Variants in GNA14 observed in about 807,000 individuals in gnomAD.
GNA14 encodes the protein G protein subunit alpha 14.
In GNA14, 50 loss-of-function variants were observed where a neutral mutation model predicts 42.0. The observed-to-expected ratio is 1.19, with a 90% confidence interval of 0.95 to 1.51. The LOEUF is 1.51. Among genes scored for constraint, GNA14 ranks in the 40% most tolerant of loss-of-function variants. The pLI, the probability that GNA14 is intolerant of heterozygous loss-of-function variation, is 0.00. For synonymous variants in GNA14, 173 were observed against 163.1 expected (o/e 1.06, Z -0.46); for missense variants, 473 against 446.2 (o/e 1.06, Z -0.54).
intron 2 of GNA14, among the ~76,000 whole-genome samples, chr9:77,437,006 T>C (rs780427430): frequency 2.0e-5 from 3 of 152,154 alleles, no homozygotes; most frequent in Non-Finnish European, 4.4e-5. Context: ...AGGCAACGCT[T>C]GGCCAATCTG....
chr9:77,558,441 G>A (rs1041755421), intron 1 of GNA14, among the ~76,000 whole-genome samples: 1 of 151,988 alleles, frequency 6.6e-6, no homozygotes, highest in Non-Finnish European at 1.5e-5. Context: ...ATACATTTTT[G>A]AAAATCACTC....
At position 77,460,119 on chromosome 9, in the gene GNA14, C is replaced by T. The variant is rs907491662; in HGVS notation, c.310-25597G>A. On this transcript the variant is annotated intron_variant, in intron 2 of 6. Transcript: ENST00000341700. ...TCGTGTCTCCATCAAATTATCTCCT[C>T]CTGGAACCTCGGAATTTAACCTTAC... Among the ~76,000 whole-genome samples, 3 of 152,212 alleles carry T rather than the reference C, an allele frequency of 2.0e-5. No individual in the cohort carries two copies. In the South Asian group the frequency reaches 6.2e-4, roughly 32 times the overall value.
At chr9:77,549,811 C>A (rs1837767594) in intron 1 of GNA14, among the ~76,000 whole-genome samples, 1 of 152,154 alleles carries the variant, frequency 6.6e-6, no homozygotes, top group Non-Finnish European at 1.5e-5. Flanking sequence ...AGGACACAGG[C>A]CCAAGGGACC....
chr9:77,539,717 C>T (rs1470080276), intron 1 of GNA14, among the ~76,000 whole-genome samples: 1 of 152,114 alleles, frequency 6.6e-6, no homozygotes, highest in African/African-American at 2.4e-5. Context: ...TTTTCTATTT[C>T]TTCCTGATTC....
At chr9:77,592,906 G>A (rs115311431) in intron 1 of GNA14, among the ~76,000 whole-genome samples, 15 of 151,914 alleles carry the variant, frequency 9.9e-5, no homozygotes, top group Admixed American at 1.3e-4. Context: ...ACTTTTAACT[G>A]AACAAAAAAA....
In GNA14 at chr9:77,648,020, A is replaced by G; in HGVS notation, c.-227T>C. On this transcript the variant is annotated 5_prime_UTR_variant, in exon 1 of 7. Transcript: ENST00000341700. Reference sequence around the variant, plus strand: ...CCGAGCGCTGGGAACGCTCGAGTGCACCCCGGATCCGGGCTCAGCCCGCCC... The same window carrying G: ...CCGAGCGCTGGGAACGCTCGAGTGCGCCCCGGATCCGGGCTCAGCCCGCCC... 2 of 543,612 alleles carry G rather than the reference A, an allele frequency of 3.7e-6. No homozygotes were observed. The highest frequency in any genetic ancestry group is 6.4e-6 in the Non-Finnish European group (2 of 313,782). The allele number at this position is 543,612 out of a possible 1,614,324, so 33.7% of individuals were successfully genotyped here. A position where few individuals can be genotyped will look rare whatever the true frequency, so the allele number is the denominator to read the frequency against.
chr9:77,513,142 G>A (rs1194302923), intron 2 of GNA14, among the ~76,000 whole-genome samples: 2 of 152,182 alleles, frequency 1.3e-5, no homozygotes, highest in East Asian at 1.9e-4. Flanking sequence ...TTTATAAAAG[G>A]CCAGGAATAG....
At chr9:77,482,341 C>A (rs1836570311) in intron 2 of GNA14, among the ~76,000 whole-genome samples, 1 of 152,138 alleles carries the variant, frequency 6.6e-6, no homozygotes, top group Non-Finnish European at 1.5e-5. Context: ...GAAAAGAATT[C>A]TGGGTTGAAA....
At chr9:77,631,647 A>ACCAAGGCTCTGGCATCAGACCACCTGGAT (rs1824101959) in intron 1 of GNA14, among the ~76,000 whole-genome samples, 1 of 152,144 alleles carries the variant, frequency 6.6e-6, no homozygotes, top group African/African-American at 2.4e-5. Context: ...AAAAAGTAAA[A>ACCAAGGCTCTGGCATCAGACCACCTGGAT]TAAAACAAAA....
At chr9:77,588,993 G>A (rs1313698295) in intron 1 of GNA14, among the ~76,000 whole-genome samples, 1 of 152,028 alleles carries the variant, frequency 6.6e-6, no homozygotes, top group Admixed American at 6.6e-5. Flanking sequence ...AAAAAGAACT[G>A]TTTGTTTGCT....
At chr9:77,513,547 AAGT>A (rs1837202861) in intron 2 of GNA14, among the ~76,000 whole-genome samples, 1 of 152,206 alleles carries the variant, frequency 6.6e-6, no homozygotes, top group Admixed American at 6.5e-5. Context: ...GGAGCTCACG[AAGT>A]ACTGGAAGAG....
chr9:77,467,038 T>C, intron 2 of GNA14, among the ~76,000 whole-genome samples: 1 of 150,394 alleles, frequency 6.6e-6, no homozygotes, highest in East Asian at 1.9e-4. Flanking sequence ...TGTGTGTGTG[T>C]CTTGGAGACT....
intron 2 of GNA14, among the ~76,000 whole-genome samples, chr9:77,482,639 C>G (rs1446881860): frequency 6.6e-6 from 1 of 152,174 alleles, no homozygotes; most frequent in Non-Finnish European, 1.5e-5. Context: ...GGATAATATC[C>G]TGCAGAGTGT....
intron 1 of GNA14, among the ~76,000 whole-genome samples, chr9:77,550,229 C>T (rs1837772878): frequency 6.6e-6 from 1 of 152,170 alleles, no homozygotes; most frequent in Non-Finnish European, 1.5e-5. Context: ...GCAATATTTT[C>T]TCATTTCCAA....
Position 77,436,351 on chromosome 9 carries a change from G to A in GNA14, c.310-1829C>T, listed in dbSNP as rs541565885. ...GCCTCAGTGTCCTCATTTGTAAAAC[G>A]AGCCATGATTTCCAGGGGTACCTGA... On this transcript the variant is annotated intron_variant, in intron 2 of 6. Transcript: ENST00000341700. Among the ~76,000 whole-genome samples, 13 of 152,312 alleles carry A rather than the reference G, an allele frequency of 8.5e-5. 1 individual carries two copies. In the South Asian group the frequency reaches 1.2e-3, roughly 15 times the overall value.
intron 1 of GNA14, among the ~76,000 whole-genome samples, chr9:77,646,171 C>G (rs1010571312): frequency 1.3e-5 from 2 of 152,218 alleles, no homozygotes; most frequent in Non-Finnish European, 2.9e-5. Flanking sequence ...AGGGGGGCCT[C>G]TTGGGCACCC....
rs543076871 is a variant in GNA14, at chr9:77,526,165, G to A, written c.309+2904C>T. Among the ~76,000 whole-genome samples the A allele has an allele frequency of 5.3e-5, 8 of 150,174 alleles. No individual in the cohort carries two copies. The South Asian group carries it at 6.3e-4, about 12-fold the overall frequency. On this transcript the variant is annotated intron_variant, in intron 2 of 6. Coordinates refer to ENST00000341700, the MANE Select transcript of GNA14 (RefSeq NM_004297.4). ...GGCTCAAGAGATGGCTGCCTGCCTC[G>A]GCCTCCCAAAGTACTGGGTTACAGG...
chr9:77,470,202 T>G (rs1419095319), intron 2 of GNA14, among the ~76,000 whole-genome samples: 1 of 152,084 alleles, frequency 6.6e-6, no homozygotes, highest in Admixed American at 6.5e-5. Flanking sequence ...TGGGGAGGAC[T>G]GGGGTGGAGA....
At chr9:77,442,884 C>T (rs1422969758) in intron 2 of GNA14, among the ~76,000 whole-genome samples, 3 of 152,202 alleles carry the variant, frequency 2.0e-5, no homozygotes, top group African/African-American at 7.2e-5. Flanking sequence ...GCCATGCAAA[C>T]ACTAACCCAG....
Sources: gnomAD v4.1 joint callset for allele counts (sites outside exome capture counted in the v4.1 genomes callset) on GRCh38, gnomAD v4.1.1 for gene constraint, MANE v1.5 for transcripts, NCBI Gene and HGNC (gene_info 2026-07-23, HGNC 2026-07-21) for gene names.